Variants in DRD3 observed in about 807,000 individuals in gnomAD.
The protein encoded by DRD3 is dopamine receptor D3.
DRD3 carries 19 observed loss-of-function variants against 36.3 expected under a neutral mutation model. The observed-to-expected ratio is 0.52, with a 90% CI of 0.36 to 0.77. The LOEUF (loss-of-function observed/expected upper bound fraction) is 0.77. DRD3 is among the 30% of genes least tolerant of loss of function. The pLI, the probability that DRD3 is intolerant of heterozygous loss-of-function variation, is 0.00. For synonymous variants in DRD3, 195 were observed against 203.7 expected (o/e 0.96, Z 0.36); for missense variants, 465 against 505.3 (o/e 0.92, Z 0.77).
intron 1 of DRD3, among the ~76,000 whole-genome samples, chr3:114,190,408 G>GGTA: frequency 1.4e-5 from 1 of 72,118 alleles, no homozygotes. Flanking sequence ...GAGGAAAAAG[G>GGTA]ATAATATATA....
At chr3:114,165,095 A>T (rs528774885) in intron 2 of DRD3, among the ~76,000 whole-genome samples, 172 of 152,388 alleles carry the variant, frequency 1.1e-3, no homozygotes, top group African/African-American at 4.0e-3. Context: ...TGGTTCATAA[A>T]GGATATCAGT....
chr3:114,163,647 A>T (rs1241274291), intron 2 of DRD3, among the ~76,000 whole-genome samples: 1 of 152,204 alleles, frequency 6.6e-6, no homozygotes, highest in Non-Finnish European at 1.5e-5. Flanking sequence ...GTGTGTGTCC[A>T]TCCATTACCC....
At position 114,131,419 on chromosome 3, in the gene DRD3, G is replaced by A. The variant is rs762190683; in HGVS notation, c.724-19C>T. 1 of 1,600,950 alleles carries A rather than the reference G, an allele frequency of 6.2e-7. No individual in the cohort carries two copies. The highest frequency in any genetic ancestry group is 1.7e-5 in the Admixed American group (1 of 58,770). On this transcript the variant is annotated intron_variant, in intron 5 of 6. Coordinates refer to ENST00000383673, the MANE Select transcript of DRD3 (RefSeq NM_000796.6). ...AGAGGGTCTGCAGGTGTGACAAGAG[G>A]GAATCTTGACATTTCTGGGGGTATT...
chr3:114,153,351 T>C (rs2077636397), intron 3 of DRD3, among the ~76,000 whole-genome samples: 2 of 152,174 alleles, frequency 1.3e-5, no homozygotes, highest in South Asian at 4.1e-4. Flanking sequence ...GTCATAATTA[T>C]TGTGCTAGCT....
chr3:114,129,145 C>T (rs1188666022), intron 6 of DRD3, among the ~76,000 whole-genome samples: 1 of 152,002 alleles, frequency 6.6e-6, no homozygotes, highest in Non-Finnish European at 1.5e-5. Context: ...GAGTACAAGA[C>T]CAGTCTGGGC....
chr3:114,130,033 A>G (rs1239319034), intron 6 of DRD3, among the ~76,000 whole-genome samples: 1 of 152,168 alleles, frequency 6.6e-6, no homozygotes, highest in Non-Finnish European at 1.5e-5. Context: ...GGATTGCTTG[A>G]TGCCATGAGT....
At chr3:114,186,691 C>A (rs2077977357) in intron 1 of DRD3, among the ~76,000 whole-genome samples, 1 of 152,146 alleles carries the variant, frequency 6.6e-6, no homozygotes, top group Admixed American at 6.5e-5. Flanking sequence ...ATGCTAAGAG[C>A]TGACATGACC....
chr3:114,198,045 A>G (rs372091722), intron 1 of DRD3, among the ~76,000 whole-genome samples: 1 of 152,162 alleles, frequency 6.6e-6, no homozygotes, highest in Admixed American at 6.5e-5. Context: ...TTCTATATAA[A>G]TCTATATTGA....
chr3:114,136,183 C>A (rs1397959991), intron 5 of DRD3, among the ~76,000 whole-genome samples: 1 of 151,938 alleles, frequency 6.6e-6, no homozygotes, highest in Non-Finnish European at 1.5e-5. Flanking sequence ...CACTGCACTC[C>A]AGCCTGGGGA....
rs1559998380 is a variant in DRD3 at position 114,171,916 on chromosome 3, GC to G, written c.76del (p.Ala26ProfsTer30). 1 of 1,605,814 alleles carries G rather than the reference GC, an allele frequency of 6.2e-7. No individual in the cohort carries two copies. The highest frequency in any genetic ancestry group is 1.3e-5 in the African/African-American group (1 of 74,738). On this transcript the variant is annotated frameshift_variant, in exon 2 of 7. Transcript: ENST00000383673. LOFTEE classifies it high-confidence loss of function. ...GAGGGCATAGTAGGCATGTGGGCGG[GC>G]CTGGCTGGCACCTGTGGAGTTCTCT... Reference protein sequence around the residue: ...GAENSTGASQARPHAYYALSY... With the variant: ...GAENSTGASQXRPHAYYALSY...
intron 1 of DRD3, among the ~76,000 whole-genome samples, chr3:114,195,182 C>A (rs112996724): frequency 2.1e-4 from 32 of 152,248 alleles, no homozygotes; most frequent in Middle Eastern, 3.4e-3. Flanking sequence ...TACTAAATAC[C>A]AGTAAAACAT....
In DRD3 at chr3:114,128,099, G is replaced by A. The variant is rs890901410; in HGVS notation, c.*617C>T. 6.6e-6 allele frequency among the ~76,000 whole-genome samples: 1 copy of A among 152,204 alleles called. No homozygotes were observed. The highest frequency in any genetic ancestry group is 1.5e-5 in the Non-Finnish European group (1 of 68,038). ...AAAGCTAAAATACAAGGGTAGCAAA[G>A]TTTGAAATGAAGCCCCCATCCCAAT... On this transcript the variant is annotated 3_prime_UTR_variant, in exon 7 of 7. Transcript: ENST00000383673.
At chr3:114,193,505 T>C (rs1576095993) in intron 1 of DRD3, among the ~76,000 whole-genome samples, 1 of 152,178 alleles carries the variant, frequency 6.6e-6, no homozygotes, top group East Asian at 1.9e-4. Flanking sequence ...TCCCTCTCCC[T>C]GCTTCTCAGA....
intron 2 of DRD3, among the ~76,000 whole-genome samples, chr3:114,165,692 T>G (rs1036013557): frequency 1.3e-5 from 2 of 152,144 alleles, no homozygotes; most frequent in African/African-American, 4.8e-5. Context: ...AGTACTTCTC[T>G]AATTAGCCTC....
chr3:114,169,935 TAGAG>T (rs1273379387), intron 2 of DRD3, among the ~76,000 whole-genome samples: 1 of 152,172 alleles, frequency 6.6e-6, no homozygotes, highest in Non-Finnish European at 1.5e-5. Context: ...GGTTTTATCT[TAGAG>T]GGAATAAAAA....
intron 1 of DRD3, among the ~76,000 whole-genome samples, chr3:114,189,155 T>C (rs1220675121): frequency 6.6e-6 from 1 of 152,240 alleles, no homozygotes; most frequent in Admixed American, 6.5e-5. Flanking sequence ...AATGACTAAA[T>C]TCTCTTTTAT....
At chr3:114,171,634 G>A in intron 2 of DRD3, 89 bp downstream of exon 2, 2 of 1,428,022 alleles carry the variant, frequency 1.4e-6, no homozygotes, top group Non-Finnish European at 1.9e-6. Context: ...TGACTGTCTG[G>A]GGAGTCTTTT....
At chr3:114,153,285 A>T (rs545766088) in intron 3 of DRD3, among the ~76,000 whole-genome samples, 187 of 151,458 alleles carry the variant, frequency 1.2e-3, no homozygotes, top group Non-Finnish European at 2.2e-3. Context: ...TTTAAGTCAC[A>T]GTGCCCAGTG....
intron 1 of DRD3, among the ~76,000 whole-genome samples, chr3:114,173,912 C>T (rs1337311316): frequency 6.6e-6 from 1 of 152,064 alleles, no homozygotes; most frequent in Non-Finnish European, 1.5e-5. Context: ...TGTAGCTCTC[C>T]CTTGATTAGG....
Sources: gnomAD v4.1 joint callset for allele counts (sites outside exome capture counted in the v4.1 genomes callset) on GRCh38, gnomAD v4.1.1 for gene constraint, MANE v1.5 for transcripts, NCBI Gene and HGNC (gene_info 2026-07-23, HGNC 2026-07-21) for gene names.